NAV2: variants seen among roughly 807,000 people sequenced by gnomAD.
NAV2 encodes the protein neuron navigator 2.
NAV2 carries 54 observed loss-of-function variants against 223.2 expected under a neutral mutation model. That is an observed-to-expected ratio of 0.24 (90% CI 0.19 to 0.30). The LOEUF is 0.30. Among genes scored for constraint, NAV2 ranks in the 10% least tolerant of loss-of-function variants. The probability of loss-of-function intolerance (pLI) is 1.00; values close to 1 mark genes in which losing one functional copy is unlikely to be tolerated. For missense variants in NAV2, 2,806 were observed against 3,147.5 expected, an observed-to-expected ratio of 0.89 and a Z score of 2.60; for synonymous variants, 1,279 against 1,239.3, an observed-to-expected ratio of 1.03 and a Z score of -0.67.
At chr11:19,732,146 C>T (rs1046137308) in intron 1 of NAV2, among the ~76,000 whole-genome samples, 1 of 151,954 alleles carries the variant, frequency 6.6e-6, no homozygotes, top group African/African-American at 2.4e-5. Context: ...AGTCTCCCTG[C>T]TACTCGGGAG....
At chr11:19,793,907 T>G (rs747329113) in intron 1 of NAV2, among the ~76,000 whole-genome samples, 20 of 152,200 alleles carry the variant, frequency 1.3e-4, no homozygotes, top group Non-Finnish European at 2.9e-4. Context: ...TGCTTCCTTC[T>G]CATTTTATCC....
chr11:19,382,263 G>A (rs1358524310), intron 1 of NAV2, among the ~76,000 whole-genome samples: 2 of 152,238 alleles, frequency 1.3e-5, no homozygotes, highest in Non-Finnish European at 2.9e-5. Context: ...GGAGGTGAGC[G>A]TGGGAGACAG....
Position 20,074,760 on chromosome 11 carries a change from C to CCTTTTT in NAV2, c.4984-2792_4984-2791insCTTTTT, listed in dbSNP as rs56895607. Among the ~76,000 whole-genome samples, 75 of 110,220 alleles carry CCTTTTT rather than the reference C, an allele frequency of 6.8e-4. 3 individuals carry two copies. Among genetic ancestry groups the CCTTTTT allele is most frequent in the East Asian group, 1.1e-3 (4 of 3,774 alleles). The allele number at this position is 110,220 out of a possible 152,430, so 72.3% of individuals were successfully genotyped here. A position where few individuals can be genotyped will look rare whatever the true frequency, so the allele number is the denominator to read the frequency against. On this transcript the variant is annotated intron_variant, in intron 22 of 37. Transcript: ENST00000349880. ...ATTGGAGACTAGGATTGCAACTCTG[C>CCTTTTT]TTTTTTTTTTTTTTTTGCTTTCCAT...
At chr11:19,753,692 A>G (rs1369501721) in intron 1 of NAV2, among the ~76,000 whole-genome samples, 1 of 152,228 alleles carries the variant, frequency 6.6e-6, no homozygotes, top group Non-Finnish European at 1.5e-5. Context: ...CCCAGGCTCC[A>G]GGACAGTTGC....
At chr11:20,027,154 C>A (rs981720521) in intron 11 of NAV2, 1 of 572,670 alleles carries the variant, frequency 1.7e-6, no homozygotes, top group Non-Finnish European at 2.2e-6. Context: ...ATGATGCTCC[C>A]GAGAAAACCT....
chr11:19,765,768 C>T (rs2055179779), intron 1 of NAV2, among the ~76,000 whole-genome samples: 1 of 152,132 alleles, frequency 6.6e-6, no homozygotes, highest in African/African-American at 2.4e-5. Flanking sequence ...ATTGCCCCTT[C>T]AGGTCTTCCA....
intron 11 of NAV2, chr11:20,022,833 C>T (rs2054627513): frequency 2.4e-6 from 3 of 1,269,320 alleles, no homozygotes; most frequent in South Asian, 6.3e-5. Context: ...TTTTGCTTTG[C>T]TGAAACTTTT....
intron 3 of NAV2, 108 bp downstream of exon 3, chr11:19,843,031 A>G (rs2060592215): frequency 2.3e-6 from 2 of 852,406 alleles, no homozygotes; most frequent in Non-Finnish European, 3.8e-6. Context: ...ACTCCAGGGG[A>G]TTATATTAAT....
chr11:19,750,524 G>C (rs7128661), intron 1 of NAV2, among the ~76,000 whole-genome samples: 23,468 of 152,162 alleles, frequency 0.15, 2,376 homozygotes, highest in African/African-American at 0.29. Context: ...ATATTAGTGA[G>C]ATATGGCTAA....
intron 12 of NAV2, among the ~76,000 whole-genome samples, chr11:20,037,101 G>A (rs1247404319): frequency 1.3e-5 from 2 of 152,164 alleles, no homozygotes; most frequent in Admixed American, 6.5e-5. Context: ...TGGCATTGGC[G>A]TCGTAGGCTG....
At chr11:19,394,613 A>G (rs1430194934) in intron 1 of NAV2, among the ~76,000 whole-genome samples, 1 of 152,242 alleles carries the variant, frequency 6.6e-6, no homozygotes, top group Non-Finnish European at 1.5e-5. Context: ...AAACAGGGAT[A>G]TGATGACATG....
intron 1 of NAV2, among the ~76,000 whole-genome samples, chr11:19,707,591 G>C (rs2049705809): frequency 1.3e-5 from 2 of 152,142 alleles, no homozygotes; most frequent in African/African-American, 4.8e-5. Context: ...ACCTCCTGAA[G>C]GACCTGCCTG....
chr11:19,800,673 G>C (rs2058193578), intron 1 of NAV2, among the ~76,000 whole-genome samples: 1 of 38,876 alleles, frequency 2.6e-5, no homozygotes, highest in Non-Finnish European at 3.9e-5. Flanking sequence ...AGGAGAATGG[G>C]TGTGTGTGTG....
At chr11:19,515,440 T>C (rs1194170908) in intron 1 of NAV2, among the ~76,000 whole-genome samples, 3 of 152,230 alleles carry the variant, frequency 2.0e-5, no homozygotes, top group African/African-American at 7.2e-5. Context: ...ATTTTATTTT[T>C]AATTGTATTT....
intron 10 of NAV2, among the ~76,000 whole-genome samples, chr11:19,953,858 C>CACGT (rs1555167223): frequency 6.6e-6 from 1 of 150,524 alleles, no homozygotes; most frequent in African/African-American, 2.4e-5. Context: ...CACGCGCGCG[C>CACGT]GTGTGTGTGT....
intron 1 of NAV2, among the ~76,000 whole-genome samples, chr11:19,766,958 T>C (rs905530913): frequency 3.9e-5 from 6 of 152,132 alleles, no homozygotes; most frequent in African/African-American, 1.4e-4. Flanking sequence ...CCAGGAGGAC[T>C]TGGTACCCTA....
At chr11:19,349,556 C>T (rs537912413), upstream of NAV2, among the ~76,000 whole-genome samples, 2 of 152,276 alleles carry the variant, frequency 1.3e-5, no homozygotes, top group East Asian at 1.9e-4. Context: ...GCTGGCATGG[C>T]CTGAATTGTA....
chr11:19,833,075 C>G (rs914397463), intron 2 of NAV2, among the ~76,000 whole-genome samples: 1 of 152,192 alleles, frequency 6.6e-6, no homozygotes, highest in African/African-American at 2.4e-5. Context: ...CGGGTTAATA[C>G]TAGGGGAAGG....
chr11:19,957,404 G>A lies in NAV2; in HGVS notation c.2645+8324G>A, dbSNP rs550155486. Among the ~76,000 whole-genome samples, 113 of 152,320 alleles carry A rather than the reference G, an allele frequency of 7.4e-4. 1 individual carries two copies. Among genetic ancestry groups the A allele is most frequent in the African/African-American group, 2.6e-3 (110 of 41,568 alleles). ...AGCTCTCTAGGTAGAGTGAGCAAGC[G>A]CAGAGTCATGCAGAGGGCAAGATTA... On this transcript the variant is annotated intron_variant, in intron 10 of 37. Coordinates refer to ENST00000349880, the MANE Select transcript of NAV2 (RefSeq NM_145117.5).
Sources: gnomAD v4.1 joint callset for allele counts (sites outside exome capture counted in the v4.1 genomes callset) on GRCh38, gnomAD v4.1.1 for gene constraint, MANE v1.5 for transcripts, NCBI Gene and HGNC (gene_info 2026-07-23, HGNC 2026-07-21) for gene names.